IFT172: variants seen among roughly 807,000 people sequenced by gnomAD.
IFT172 encodes intraflagellar transport 172, also known as intraflagellar transport protein 172 homolog.
Under a neutral mutation model 248.9 loss-of-function variants are expected in IFT172, and 164 were observed. The ratio of observed to expected loss-of-function variants is 0.66; its 90% confidence interval spans 0.58 to 0.75. The LOEUF (loss-of-function observed/expected upper bound fraction) is 0.75. Among genes scored for constraint, IFT172 ranks in the 30% least tolerant of loss-of-function variants. The pLI, the probability that IFT172 is intolerant of heterozygous loss-of-function variation, is 0.00. For missense variants in IFT172, 1,950 were observed against 2,192.4 expected (o/e 0.89, Z 2.21); for synonymous variants, 729 against 791.6 (o/e 0.92, Z 1.33).
At chr2:27,482,523 G>A (rs896906476) in intron 7 of IFT172, among the ~76,000 whole-genome samples, 5 of 149,092 alleles carry the variant, frequency 3.4e-5, no homozygotes, top group African/African-American at 1.2e-4. Flanking sequence ...GACCTCAGGT[G>A]ATCCACCCGC....
At position 27,448,923 on chromosome 2, in the gene IFT172, T is replaced by G. The variant is rs1665411081; in HGVS notation, c.4420A>C (p.Asn1474His). 1 of 1,543,186 alleles carries G rather than the reference T, an allele frequency of 6.5e-7. No individual in the cohort carries two copies. Among genetic ancestry groups the G allele is most frequent in the African/African-American group, 1.4e-5 (1 of 73,574 alleles). The change falls in exon 40 of 48, where the codon AAC becomes CAC. Residue 1474 changes from asparagine (N) to histidine (H), a missense_variant. Physicochemically the swap from Asn to His is moderately conservative, Grantham distance 68 (BLOSUM62 1). Around this residue, in one of 3 missense-constraint regions of IFT172, gnomAD observed 620 missense variants for 699.0 expected, o/e 0.89. Coordinates refer to ENST00000260570, the MANE Select transcript of IFT172 (RefSeq NM_015662.3). Reference sequence around the variant, plus strand: ...AAGGAGAAGGCTGGTACCTGTGGGTTAGCAGGGGCTCCGTGCTGTACATAC... The same window carrying G: ...AAGGAGAAGGCTGGTACCTGTGGGTGAGCAGGGGCTCCGTGCTGTACATAC... ...ALYVQHGAPA[N>H]PQNFNIYKRI... is the part of the protein sequence containing the mutation.
At chr2:27,461,574 C>T (rs1666673789) in intron 21 of IFT172, 57 bp from the exon 22 acceptor site, 1 of 1,590,656 alleles carries the variant, frequency 6.3e-7, no homozygotes, top group Non-Finnish European at 8.6e-7. Context: ...CCTTCTGCCT[C>T]CCATGCTTCT....
Position 27,477,227 on chromosome 2 carries a change from G to T in IFT172, c.1315C>A (p.His439Asn). The T allele has an allele frequency of 6.2e-7, 1 of 1,612,994 alleles. No homozygotes were observed. Among genetic ancestry groups the T allele is most frequent in the South Asian group, 1.1e-5 (1 of 91,050 alleles). Residue 439 changes from histidine to asparagine, a missense_variant, in exon 13 of 48, where the codon CAC becomes AAC. By Grantham distance (68) the His-to-Asn change is moderately conservative. Transcript: ENST00000260570. Reference sequence around the variant, plus strand: ...ATCTTGTGAGGTTACCTGATGAGGTGGGGGTTCATGAATTCAGTGCGTACA... The same window carrying T: ...ATCTTGTGAGGTTACCTGATGAGGTTGGGGTTCATGAATTCAGTGCGTACA... Reference protein sequence around the residue: ...GSVRTEFMNPHLISVRINERC... With the variant: ...GSVRTEFMNPNLISVRINERC...
chr2:27,448,787 G>A lies in IFT172; in HGVS notation c.4428+128C>T, dbSNP rs541802253. On this transcript the variant is annotated intron_variant, in intron 40 of 47. Coordinates refer to ENST00000260570, the MANE Select transcript of IFT172 (RefSeq NM_015662.3). The stretch of plus-strand genomic sequence containing the variant: ...GGCTGTACATTTCTGGAGATGCGTG[G>A]GGGGCTCTGGGCATGACGTTCTCTA... The A allele has an allele frequency of 3.9e-5, 27 of 689,236 alleles. No individual in the cohort carries two copies. The South Asian group carries it at 4.3e-4, about 11-fold the overall frequency. 42.7% of individuals were successfully genotyped at this position (689,236 alleles called of 1,614,324 possible). A position where few individuals can be genotyped will look rare whatever the true frequency, so the allele number is the denominator to read the frequency against.
Position 27,448,003 on chromosome 2 carries a change from G to A in IFT172, c.4429-81C>T, listed in dbSNP as rs1330944693. The A allele has an allele frequency of 1.6e-5, 14 of 851,028 alleles. No individual in the cohort carries two copies. In the Admixed American group the frequency reaches 2.0e-4, roughly 12 times the overall value. The allele number at this position is 851,028 out of a possible 1,614,324, so 52.7% of individuals were successfully genotyped here. On this transcript the variant is annotated intron_variant, in intron 40 of 47. Coordinates refer to ENST00000260570, the MANE Select transcript of IFT172 (RefSeq NM_015662.3). Reference sequence around the variant, plus strand: ...ACTGGAAGTGGGGCCAAAGGGAGGAGAAACAGGCTTTGTGTGTAGAAATGG... The same window carrying A: ...ACTGGAAGTGGGGCCAAAGGGAGGAAAAACAGGCTTTGTGTGTAGAAATGG...
At chr2:27,456,697 T>G (rs1197436183) in intron 29 of IFT172, 44 bp from the exon 30 acceptor site, 4 of 1,592,086 alleles carry the variant, frequency 2.5e-6, no homozygotes, top group Non-Finnish European at 8.6e-7. Context: ...ACAGAGCTTC[T>G]CCCTTCTCAT....
intron 18 of IFT172, among the ~76,000 whole-genome samples, chr2:27,464,805 C>G (rs1391824220): frequency 6.6e-6 from 1 of 151,822 alleles, no homozygotes; most frequent in East Asian, 1.9e-4. Context: ...TTTAGTAGAG[C>G]TGAGGTTTTG....
At chr2:27,455,745 TCTG>T in intron 30 of IFT172, 1 of 424,182 alleles carries the variant, frequency 2.4e-6, no homozygotes, top group Non-Finnish European at 4.4e-6. Context: ...GGCAGAATAA[TCTG>T]CTCCCATCCT....
intron 33 of IFT172, 91 bp downstream of exon 33, chr2:27,453,890 TG>T (rs1327557737): frequency 2.6e-5 from 37 of 1,450,434 alleles, no homozygotes; most frequent in South Asian, 2.2e-4. Context: ...CTAACCTCCC[TG>T]ATCTTTCTTC....
chr2:27,449,258 T>C, intron 39 of IFT172, 36 bp downstream of exon 39: 2 of 1,612,066 alleles, frequency 1.2e-6, no homozygotes, highest in Non-Finnish European at 1.7e-6. Flanking sequence ...CAAGGGAAAA[T>C]GTAAAGAAAA....
In IFT172 at chr2:27,456,552, C is replaced by G; in HGVS notation, c.3330G>C (p.Leu1110=). The change falls in exon 30 of 48, where the codon CTG becomes CTC. Residue 1110 remains leucine (L), a synonymous_variant. Coordinates refer to ENST00000260570, the MANE Select transcript of IFT172 (RefSeq NM_015662.3). The part of the protein sequence containing the change: ...GEAAVRLLNK[L]GLLEAAVDHA... ...GGTCAACAGCAGCTTCCAGGAGTCC[C>G]AGCTTATTAAGCAGTCTAACTGCAG... is the stretch of plus-strand genomic sequence containing the variant. 1 of 1,614,100 alleles carries G rather than the reference C, an allele frequency of 6.2e-7. No individual in the cohort carries two copies. Among genetic ancestry groups the G allele is most frequent in the Non-Finnish European group, 8.5e-7 (1 of 1,180,018 alleles).
At chr2:27,458,348 C>G in intron 26 of IFT172, 125 bp from the exon 27 acceptor site, 1 of 765,642 alleles carries the variant, frequency 1.3e-6, no homozygotes. Flanking sequence ...GGTATTGCCA[C>G]TCTACTAGTG....
At chr2:27,459,330 T>A in intron 25 of IFT172, 48 bp downstream of exon 25, 1 of 1,595,076 alleles carries the variant, frequency 6.3e-7, no homozygotes, top group Non-Finnish European at 8.5e-7. Flanking sequence ...CTCTCATTGT[T>A]ATCCTCTACT....
At chr2:27,456,363 C>A (rs755710892) in intron 30 of IFT172, 148 bp downstream of exon 30, 3 of 1,057,048 alleles carry the variant, frequency 2.8e-6, no homozygotes, top group Non-Finnish European at 4.0e-6. Flanking sequence ...CTGTTCTGAG[C>A]CCCTAGGGAA....
At chr2:27,462,173 C>T (rs1666732122) in intron 20 of IFT172, among the ~76,000 whole-genome samples, 1 of 152,126 alleles carries the variant, frequency 6.6e-6, no homozygotes, top group Admixed American at 6.5e-5. Context: ...GCTGGGATTA[C>T]AGGCGTGTGC....
intron 35 of IFT172, 116 bp downstream of exon 35, chr2:27,453,268 T>TG (rs1665850721): frequency 1.5e-6 from 2 of 1,325,034 alleles, no homozygotes; most frequent in Non-Finnish European, 2.2e-6. Context: ...AGATTCCTGC[T>TG]ACCTGATTGA....
intron 14 of IFT172, among the ~76,000 whole-genome samples, chr2:27,476,020 T>C (rs1667932612): frequency 6.6e-6 from 1 of 152,100 alleles, no homozygotes; most frequent in Non-Finnish European, 1.5e-5. Flanking sequence ...GATAAAAATA[T>C]GAACATATAA....
Position 27,459,725 on chromosome 2 carries a change from G to A in IFT172, c.2626C>T (p.His876Tyr). 6.2e-7 allele frequency: 1 copy of A among 1,612,710 alleles called. No homozygotes were observed. Among genetic ancestry groups the A allele is most frequent in the Non-Finnish European group, 8.5e-7 (1 of 1,180,028 alleles). The change falls in exon 24 of 48, where the codon CAC becomes TAC. Residue 876 changes from histidine (H) to tyrosine (Y), a missense_variant. Physicochemically the swap from His to Tyr is moderately conservative, Grantham distance 83 (BLOSUM62 2). Around this residue, in one of 3 missense-constraint regions of IFT172, gnomAD observed 1,166 missense variants for 1,254.1 expected, o/e 0.93. Coordinates refer to ENST00000260570, the MANE Select transcript of IFT172 (RefSeq NM_015662.3). Reference sequence around the variant, plus strand: ...CTCCCATACCTGGCTTCGATGTAGTGATTAATGGCTGCATCAAGCTGCTTC... The same window carrying A: ...CTCCCATACCTGGCTTCGATGTAGTAATTAATGGCTGCATCAAGCTGCTTC... ...QQKQLDAAINHYIEARCSIKA... is the reference protein window; with the variant it reads ...QQKQLDAAINYYIEARCSIKA...
chr2:27,484,868 G>A, intron 3 of IFT172, 150 bp downstream of exon 3: 1 of 624,472 alleles, frequency 1.6e-6, no homozygotes, highest in East Asian at 2.7e-5. Flanking sequence ...ACAGGTGAAG[G>A]CAGAAAAGCA....
Sources: allele counts gnomAD v4.1 joint callset (sites outside exome capture counted in the v4.1 genomes callset), GRCh38; gene constraint gnomAD v4.1.1; regional missense constraint gnomAD v4.1.1; transcripts MANE v1.5; gene names NCBI Gene and HGNC (gene_info 2026-07-23, HGNC 2026-07-21).